Variants in FRMD7 observed in about 807,000 individuals in gnomAD.
FRMD7 encodes the protein FERM domain-containing protein 7.
In FRMD7, 14 loss-of-function variants were observed where a neutral mutation model predicts 44.1. The observed-to-expected ratio is 0.32, with a 90% confidence interval of 0.21 to 0.50. FRMD7 has a LOEUF of 0.50. FRMD7 is among the 20% of genes least tolerant of loss of function. The pLI, the probability that FRMD7 is intolerant of heterozygous loss-of-function variation, is 0.99. For synonymous variants in FRMD7, 212 were observed against 187.4 expected, an observed-to-expected ratio of 1.13 and a Z score of -1.07; for missense variants, 501 against 522.3, an observed-to-expected ratio of 0.96 and a Z score of 0.40.
At chrX:132,089,891 C>A in intron 5 of FRMD7, among the ~76,000 whole-genome samples, 1 of 112,068 alleles carries the variant, frequency 8.9e-6, no homozygotes, top group Non-Finnish European at 1.9e-5. Flanking sequence ...GTTATTGTAA[C>A]AATTTGAATT....
At chrX:132,099,415 T>C in intron 3 of FRMD7, 53 bp downstream of exon 3, 1 of 1,026,792 alleles carries the variant, frequency 9.7e-7, no homozygotes, top group Non-Finnish European at 1.4e-6. Context: ...TGTTGAAACC[T>C]TTCTCAAGCT....
chrX:132,090,802 C>T (rs771578395), intron 5 of FRMD7, among the ~76,000 whole-genome samples: 2 of 111,426 alleles, frequency 1.8e-5, no homozygotes, highest in Non-Finnish European at 3.8e-5. Flanking sequence ...ACAAATCCCA[C>T]GTTGACCCTA....
At chrX:132,080,172 C>A (rs758060449) in intron 10 of FRMD7, 26 bp downstream of exon 10, 1 of 1,167,624 alleles carries the variant, frequency 8.6e-7, no homozygotes, top group East Asian at 3.0e-5. Flanking sequence ...AAAATCAACA[C>A]GAGCAAGAGA....
At chrX:132,080,830 T>C (rs1172988504) in intron 9 of FRMD7, among the ~76,000 whole-genome samples, 1 of 110,151 alleles carries the variant, frequency 9.1e-6, no homozygotes, top group African/African-American at 3.3e-5. Flanking sequence ...AATAACAATA[T>C]ATTTCCCTTT....
chrX:132,106,561 C>T (rs1928651532), intron 1 of FRMD7, among the ~76,000 whole-genome samples: 1 of 111,791 alleles, frequency 8.9e-6, no homozygotes, highest in African/African-American at 3.3e-5. Flanking sequence ...ACCATAAAGA[C>T]ATATGCACAC....
intron 9 of FRMD7, 32 bp downstream of exon 9, chrX:132,082,331 G>C (rs367700970): frequency 4.1e-5 from 47 of 1,148,394 alleles, no homozygotes; most frequent in Non-Finnish European, 5.1e-5. Context: ...GAAGCAGTGT[G>C]AGCAGTTTGC....
intron 1 of FRMD7, among the ~76,000 whole-genome samples, chrX:132,118,514 G>A (rs973006078): frequency 9.0e-6 from 1 of 111,096 alleles, no homozygotes; most frequent in African/African-American, 3.3e-5. Context: ...CACAGGAACT[G>A]GAGGCCAAGC....
chrX:132,107,680 T>C lies in FRMD7; in HGVS notation c.58-6964A>G, dbSNP rs1321524241. Among the ~76,000 whole-genome samples the C allele has an allele frequency of 8.4e-5, 9 of 107,294 alleles. No individual in the cohort carries two copies. In the South Asian group the frequency reaches 3.7e-3, roughly 44 times the overall value. The allele number at this position is 107,294 out of a possible 115,157, so 93.2% of individuals were successfully genotyped here. ...TTATAAAGCTAACAATCTTATCAGA[T>C]AAGGACCCCATATTTATATTATTTA... On this transcript the variant is annotated intron_variant, in intron 1 of 11. Coordinates refer to ENST00000298542, the MANE Select transcript of FRMD7 (RefSeq NM_194277.3).
chrX:132,106,001 T>C (rs1481206279), intron 1 of FRMD7, among the ~76,000 whole-genome samples: 3 of 111,504 alleles, frequency 2.7e-5, no homozygotes, highest in African/African-American at 9.8e-5. Context: ...AAAGCAAAAA[T>C]TGACAAGTGA....
At chrX:132,096,061 G>C (rs757688997) in intron 4 of FRMD7, among the ~76,000 whole-genome samples, 3 of 110,065 alleles carry the variant, frequency 2.7e-5, no homozygotes, top group Non-Finnish European at 5.7e-5. Flanking sequence ...CATCAAAATT[G>C]GTCACAATTT....
chrX:132,120,318 C>T (rs1386644638), intron 1 of FRMD7, among the ~76,000 whole-genome samples: 10 of 112,572 alleles, frequency 8.9e-5, no homozygotes, highest in South Asian at 3.6e-4. Context: ...GAGTCTAATT[C>T]GGAGGGAAGA....
At chrX:132,124,171 T>C (rs1320422688) in intron 1 of FRMD7, among the ~76,000 whole-genome samples, 1 of 112,013 alleles carries the variant, frequency 8.9e-6, no homozygotes, top group Non-Finnish European at 1.9e-5. Flanking sequence ...TTAACTTTGG[T>C]CTTATCTTCC....
At chrX:132,101,245 G>A (rs779169131) in intron 1 of FRMD7, among the ~76,000 whole-genome samples, 105 of 110,507 alleles carry the variant, frequency 9.5e-4, no homozygotes, top group African/African-American at 3.2e-3. Context: ...CTCTAATAAC[G>A]GCAGCCTGCT....
chrX:132,097,429 CCACA>C (rs1234781449), intron 3 of FRMD7, 85 bp from the exon 4 acceptor site: 2 of 388,573 alleles, frequency 5.1e-6, no homozygotes, highest in Admixed American at 6.5e-5. Flanking sequence ...ACACACACAC[CCACA>C]CACACACCGC....
At chrX:132,082,550 G>C (rs1315640189) in intron 8 of FRMD7, 24 bp from the exon 9 acceptor site, 1 of 1,166,615 alleles carries the variant, frequency 8.6e-7, no homozygotes. Context: ...TTTCCATTAA[G>C]TAAAACATCC....
intron 5 of FRMD7, among the ~76,000 whole-genome samples, chrX:132,089,672 G>A (rs1398314868): frequency 1.8e-5 from 2 of 111,784 alleles, no homozygotes; most frequent in Non-Finnish European, 3.8e-5. Flanking sequence ...ATTTAAAAAT[G>A]GGCAAAAGAT....
intron 5 of FRMD7, 133 bp from the exon 6 acceptor site, chrX:132,086,167 G>A (rs1927983686): frequency 7.8e-6 from 4 of 510,097 alleles, no homozygotes. Flanking sequence ...CCAACCCCAC[G>A]CTTTATGTAT....
chrX:132,087,652 C>A (rs1433236847), intron 5 of FRMD7, among the ~76,000 whole-genome samples: 2 of 111,302 alleles, frequency 1.8e-5, no homozygotes, highest in African/African-American at 6.5e-5. Flanking sequence ...CAATTCTTCA[C>A]AAACTCTCCC....
At chrX:132,085,216 T>C (rs929212035) in intron 7 of FRMD7, among the ~76,000 whole-genome samples, 3 of 111,501 alleles carry the variant, frequency 2.7e-5, no homozygotes, top group Non-Finnish European at 5.6e-5. Context: ...TAAACTCCCT[T>C]GGCTTTCCTG....
Sources: gnomAD v4.1 joint callset for allele counts (sites outside exome capture counted in the v4.1 genomes callset) on GRCh38, gnomAD v4.1.1 for gene constraint, MANE v1.5 for transcripts, NCBI Gene and HGNC (gene_info 2026-07-23, HGNC 2026-07-21) for gene names.